YTHDC2: variants seen among roughly 807,000 people sequenced by gnomAD.
The protein encoded by YTHDC2 is YTH N6-methyladenosine RNA binding protein C2.
YTHDC2 carries 45 observed loss-of-function variants against 174.9 expected under a neutral mutation model. The ratio of observed to expected loss-of-function variants is 0.26; its 90% confidence interval spans 0.20 to 0.33. The LOEUF (loss-of-function observed/expected upper bound fraction) is 0.33, where lower values mean the gene tolerates loss of function less well. YTHDC2 is among the 10% of genes least tolerant of loss of function. YTHDC2 has a pLI of 1.00. For missense variants in YTHDC2, 1,650 were observed against 1,723.7 expected (o/e 0.96, Z 0.76); for synonymous variants, 657 against 574.5 (o/e 1.14, Z -2.05).
rs1187877871 is a variant in YTHDC2 at position 113,549,036 on chromosome 5, A to G, written c.1688+16A>G. On this transcript the variant is annotated intron_variant, in intron 12 of 29. Transcript: ENST00000161863. ...AATCTTACAGGTAAAACTTTGTACT[A>G]TTTTAAATTAATTCTACCGTCTCTT... 4 of 1,590,230 alleles carry G rather than the reference A, an allele frequency of 2.5e-6. No homozygotes were observed. The highest frequency in any genetic ancestry group is 3.4e-6 in the Non-Finnish European group (4 of 1,161,222).
chr5:113,576,819 A>G lies in YTHDC2; in HGVS notation c.3245-2767A>G, dbSNP rs372120644. Among the ~76,000 whole-genome samples, 24 of 134,856 alleles carry G rather than the reference A, an allele frequency of 1.8e-4. 1 individual carries two copies. In the South Asian group the frequency reaches 3.2e-3, roughly 18 times the overall value. The allele number at this position is 134,856 out of a possible 152,430, so 88.5% of individuals were successfully genotyped here. On this transcript the variant is annotated intron_variant, in intron 23 of 29. Coordinates refer to ENST00000161863, the MANE Select transcript of YTHDC2 (RefSeq NM_022828.5). The stretch of plus-strand genomic sequence containing the variant: ...TTTTCTGTCATGTTTAAGTCAATCT[A>G]TTATTCATTTTGGTGTTAGTATTTT...
chr5:113,545,695 C>G (rs1775825728), intron 10 of YTHDC2, among the ~76,000 whole-genome samples: 1 of 143,536 alleles, frequency 7.0e-6, no homozygotes, highest in African/African-American at 2.5e-5. Flanking sequence ...GCTGGGCCCT[C>G]ATTATTGATT....
chr5:113,574,470 G>A (rs1777916506), intron 23 of YTHDC2, among the ~76,000 whole-genome samples: 1 of 152,164 alleles, frequency 6.6e-6, no homozygotes, highest in Admixed American at 6.5e-5. Flanking sequence ...GAAGCAGTCT[G>A]GCTGCTTTTT....
intron 18 of YTHDC2, 48 bp from the exon 19 acceptor site, chr5:113,563,325 T>C: frequency 6.7e-7 from 1 of 1,490,000 alleles, no homozygotes; most frequent in Admixed American, 2.0e-5. Flanking sequence ...ATGTGTAGGT[T>C]AGTATTCTTT....
chr5:113,541,574 T>C (rs1775468665), intron 9 of YTHDC2, among the ~76,000 whole-genome samples: 3 of 152,152 alleles, frequency 2.0e-5, no homozygotes, highest in Admixed American at 2.0e-4. Flanking sequence ...CAGAGCAACT[T>C]TCTACTCTTT....
intron 21 of YTHDC2, 151 bp downstream of exon 21, chr5:113,566,170 GAT>G (rs1777315716): frequency 2.1e-6 from 2 of 946,614 alleles, no homozygotes; most frequent in Admixed American, 3.2e-5. Context: ...TGTAGACTTC[GAT>G]ATGTCTTCAA....
intron 17 of YTHDC2, 50 bp downstream of exon 17, chr5:113,556,184 G>A (rs780820842): frequency 1.4e-5 from 14 of 1,009,054 alleles, no homozygotes; most frequent in South Asian, 4.7e-5. Context: ...AAATGGAAAC[G>A]TTTTTATATG....
intron 23 of YTHDC2, among the ~76,000 whole-genome samples, chr5:113,577,150 C>G (rs1440126889): frequency 2.6e-5 from 4 of 152,018 alleles, no homozygotes; most frequent in African/African-American, 9.7e-5. Context: ...TTTGTATACT[C>G]TATTCCTTTA....
In YTHDC2 at chr5:113,567,075, GT is replaced by G. The variant is rs760808683; in HGVS notation, c.2843-10del. On this transcript the variant is annotated splice_polypyrimidine_tract_variant and intron_variant, in intron 21 of 29. Transcript: ENST00000161863. ...TTTGCACAATAGAAAAATTGGTGTG[GT>G]TTTTTTCCCCTCTAGGTTTTGTTAG... The G allele has an allele frequency of 1.1e-5, 18 of 1,602,702 alleles. No individual in the cohort carries two copies. The highest frequency in any genetic ancestry group is 6.7e-5 in the East Asian group (3 of 44,620).
rs185133758 is a variant in YTHDC2, at chr5:113,533,128, C to T, written c.842+83C>T. 1.4e-4 allele frequency: 208 copies of T among 1,470,942 alleles called. 1 individual carries two copies. The Admixed American group carries it at 2.8e-3, about 20-fold the overall frequency. 91.1% of individuals were successfully genotyped at this position (1,470,942 alleles called of 1,614,324 possible). A position where few individuals can be genotyped will look rare whatever the true frequency, so the allele number is the denominator to read the frequency against. On this transcript the variant is annotated intron_variant, in intron 5 of 29. Transcript: ENST00000161863. Reference sequence around the variant, plus strand: ...TTTCACTAAAAATAGAGGATGTGTTCGTTGAAAAGTTAGGTGATCATTTTG... The same window carrying T: ...TTTCACTAAAAATAGAGGATGTGTTTGTTGAAAAGTTAGGTGATCATTTTG...
chr5:113,514,490 G>A (rs180796123), intron 1 of YTHDC2, among the ~76,000 whole-genome samples: 8 of 152,180 alleles, frequency 5.3e-5, no homozygotes, highest in Non-Finnish European at 1.0e-4. Context: ...AAATGCACCA[G>A]CAATACGTTT....
At chr5:113,547,772 A>G (rs1279359966) in intron 10 of YTHDC2, among the ~76,000 whole-genome samples, 1 of 152,214 alleles carries the variant, frequency 6.6e-6, no homozygotes, top group Non-Finnish European at 1.5e-5. Flanking sequence ...TTTATTAAAT[A>G]GAAGATAATT....
chr5:113,534,205 A>G, intron 5 of YTHDC2, 100 bp from the exon 6 acceptor site: 3 of 887,358 alleles, frequency 3.4e-6, no homozygotes, highest in Non-Finnish European at 5.4e-6. Flanking sequence ...TATTAGTAAT[A>G]TTTATTAAAA....
At chr5:113,561,215 T>G in intron 18 of YTHDC2, 30 bp downstream of exon 18, 1 of 1,580,794 alleles carries the variant, frequency 6.3e-7, no homozygotes, top group South Asian at 1.1e-5. Flanking sequence ...TAAAAGGCAT[T>G]TTTTTGGGTG....
chr5:113,554,726 C>T (rs531556965), intron 16 of YTHDC2, among the ~76,000 whole-genome samples: 2 of 148,036 alleles, frequency 1.4e-5, no homozygotes, highest in South Asian at 2.1e-4. Context: ...TTTTCAAAAA[C>T]AGCCAACCTT....
At chr5:113,526,051 A>G (rs1276183999) in intron 3 of YTHDC2, among the ~76,000 whole-genome samples, 2 of 152,156 alleles carry the variant, frequency 1.3e-5, no homozygotes, top group East Asian at 3.8e-4. Context: ...TATTTAACAC[A>G]TAATTATTCT....
At chr5:113,575,878 C>G (rs930531597) in intron 23 of YTHDC2, among the ~76,000 whole-genome samples, 1 of 151,918 alleles carries the variant, frequency 6.6e-6, no homozygotes, top group African/African-American at 2.4e-5. Context: ...GGATAGTGAT[C>G]GCTGATATGA....
chr5:113,522,405 C>G (rs1337327545), intron 2 of YTHDC2, among the ~76,000 whole-genome samples: 3 of 151,898 alleles, frequency 2.0e-5, no homozygotes, highest in East Asian at 1.9e-4. Flanking sequence ...AAGGAAGAAG[C>G]CATTGAAATG....
chr5:113,546,559 T>C (rs982005632), intron 10 of YTHDC2, among the ~76,000 whole-genome samples: 9 of 152,236 alleles, frequency 5.9e-5, no homozygotes, highest in African/African-American at 1.9e-4. Context: ...ATTTTCCCCA[T>C]GATCATGTAG....
Sources: allele counts gnomAD v4.1 joint callset (sites outside exome capture counted in the v4.1 genomes callset), GRCh38; gene constraint gnomAD v4.1.1; transcripts MANE v1.5; gene names NCBI Gene and HGNC (gene_info 2026-07-23, HGNC 2026-07-21).